Variants in TM7SF3 observed in about 807,000 individuals in gnomAD.
TM7SF3 encodes transmembrane 7 superfamily member 3, also known as seven span transmembrane protein.
Under a neutral mutation model 65.5 loss-of-function variants are expected in TM7SF3, and 60 were observed. The ratio of observed to expected loss-of-function variants is 0.92; its 90% CI spans 0.74 to 1.14. The LOEUF is 1.14. Among genes scored for constraint, TM7SF3 ranks in the 50% most tolerant of loss-of-function variants. The pLI, the probability that TM7SF3 is intolerant of heterozygous loss-of-function variation, is 0.00. For synonymous variants in TM7SF3, 264 were observed against 259.6 expected, an observed-to-expected ratio of 1.02 and a Z score of -0.16; for missense variants, 623 against 684.8, an observed-to-expected ratio of 0.91 and a Z score of 1.01.
chr12:26,994,021 C>A (rs1470286973), intron 5 of TM7SF3, among the ~76,000 whole-genome samples: 1 of 152,148 alleles, frequency 6.6e-6, no homozygotes, highest in African/African-American at 2.4e-5. Flanking sequence ...CTTTGACATA[C>A]CCTCATTAGT....
chr12:26,982,693 C>A lies in TM7SF3; in HGVS notation c.955+80G>T. On this transcript the variant is annotated intron_variant, in intron 7 of 11. Transcript: ENST00000343028. Reference sequence around the variant, plus strand: ...TGAAGATAGTAGAGATAAGTAAGTGCTTACTCTCCTCACAGGTCATTCCCC... The same window carrying A: ...TGAAGATAGTAGAGATAAGTAAGTGATTACTCTCCTCACAGGTCATTCCCC... 3 of 937,788 alleles carry A rather than the reference C, an allele frequency of 3.2e-6. No homozygotes were observed. In the East Asian group the frequency reaches 7.9e-5, roughly 25 times the overall value. The allele number at this position is 937,788 out of a possible 1,614,324, so 58.1% of individuals were successfully genotyped here.
rs777695148 is a variant in TM7SF3, at chr12:26,979,880, C to CA, written c.1092dup (p.Val365CysfsTer40). On this transcript the variant is annotated frameshift_variant, in exon 9 of 12. Transcript: ENST00000343028. LOFTEE classifies it high-confidence loss of function. ...GAGAGGATTCCAAATCGCCACCACA[C>CA]AGCTACCAAGAACATTCCACCGACG... The CA allele has an allele frequency of 1.2e-6, 2 of 1,614,202 alleles. No homozygotes were observed. Among genetic ancestry groups the CA allele is most frequent in the Admixed American group, 1.7e-5 (1 of 60,010 alleles).
chr12:27,003,112 A>T (rs1159664194), intron 2 of TM7SF3, 124 bp downstream of exon 2: 8 of 728,820 alleles, frequency 1.1e-5, no homozygotes, highest in Admixed American at 9.6e-5. Context: ...TTGATTTTTT[A>T]AAATTTAAGA....
At chr12:27,003,214 TA>T in intron 2 of TM7SF3, 21 bp downstream of exon 2, 1 of 1,557,184 alleles carries the variant, frequency 6.4e-7, no homozygotes. Flanking sequence ...TGATTTTTAC[TA>T]AAATAATTCT....
At chr12:27,001,244 A>C (rs1940820057) in intron 2 of TM7SF3, among the ~76,000 whole-genome samples, 1 of 152,160 alleles carries the variant, frequency 6.6e-6, no homozygotes, top group Non-Finnish European at 1.5e-5. Context: ...GTGGGAACTA[A>C]AGGCAGTCCA....
At chr12:27,002,797 C>T (rs1028491420) in intron 2 of TM7SF3, among the ~76,000 whole-genome samples, 5 of 152,000 alleles carry the variant, frequency 3.3e-5, no homozygotes, top group Admixed American at 6.6e-5. Flanking sequence ...TTGTTGTTTG[C>T]GTGACAGAGT....
chr12:27,009,957 C>G (rs1941184655), intron 1 of TM7SF3, among the ~76,000 whole-genome samples: 2 of 152,174 alleles, frequency 1.3e-5, no homozygotes, highest in African/African-American at 4.8e-5. Context: ...ATTGCTTTAA[C>G]CAAACCAGTT....
intron 8 of TM7SF3, 186 bp downstream of exon 8, chr12:26,980,380 G>C: frequency 1.7e-6 from 1 of 581,056 alleles, no homozygotes; most frequent in South Asian, 2.2e-5. Context: ...TCACCATACA[G>C]ATTAAAAACC....
At chr12:26,989,344 G>A (rs1391905382) in intron 6 of TM7SF3, among the ~76,000 whole-genome samples, 2 of 152,194 alleles carry the variant, frequency 1.3e-5, no homozygotes, top group African/African-American at 2.4e-5. Context: ...GGCTGAGGCA[G>A]GAGAATCACT....
Position 26,972,825 on chromosome 12 carries a change from A to G in TM7SF3, c.*1140T>C, listed in dbSNP as rs1939415042. Among the ~76,000 whole-genome samples, 1 of 152,118 alleles carries G rather than the reference A, an allele frequency of 6.6e-6. No individual in the cohort carries two copies. On this transcript the variant is annotated 3_prime_UTR_variant, in exon 12 of 12. Coordinates refer to ENST00000343028, the MANE Select transcript of TM7SF3 (RefSeq NM_016551.3). Reference sequence around the variant, plus strand: ...TATGTCATCTAATGCAGTTAAATTAAAGATCACCTGTTGACACTATTTGAA... The same window carrying G: ...TATGTCATCTAATGCAGTTAAATTAGAGATCACCTGTTGACACTATTTGAA...
chr12:26,983,960 T>C (rs1411206406), intron 6 of TM7SF3, among the ~76,000 whole-genome samples: 1 of 152,086 alleles, frequency 6.6e-6, no homozygotes, highest in South Asian at 2.1e-4. Context: ...TACAATCTCA[T>C]GCTAAAATAA....
At chr12:27,005,953 C>T (rs977569421) in intron 1 of TM7SF3, among the ~76,000 whole-genome samples, 1 of 150,604 alleles carries the variant, frequency 6.6e-6, no homozygotes, top group East Asian at 2.0e-4. Context: ...GCATGTGCCA[C>T]CACGCCTGGC....
rs1345872648 is a variant in TM7SF3, at chr12:26,973,929, C to G, written c.*36G>C. 1 of 1,605,018 alleles carries G rather than the reference C, an allele frequency of 6.2e-7. No individual in the cohort carries two copies. The highest frequency in any genetic ancestry group is 2.2e-5 in the East Asian group (1 of 44,838). On this transcript the variant is annotated 3_prime_UTR_variant, in exon 12 of 12. Transcript: ENST00000343028. ...TGTTGAACCACTCCAGGCATGAACTCCAAAGCTGAGGCACACTGACCAAGC... is the reference window on the plus strand; with the variant it reads ...TGTTGAACCACTCCAGGCATGAACTGCAAAGCTGAGGCACACTGACCAAGC...
At chr12:26,986,410 C>T (rs1249394568) in intron 6 of TM7SF3, among the ~76,000 whole-genome samples, 2 of 152,108 alleles carry the variant, frequency 1.3e-5, no homozygotes, top group East Asian at 3.9e-4. Flanking sequence ...ATTTTCCATC[C>T]ACTGACTCCC....
intron 7 of TM7SF3, among the ~76,000 whole-genome samples, chr12:26,981,510 T>TTA (rs1374432404): frequency 4.6e-5 from 7 of 151,892 alleles, no homozygotes; most frequent in Middle Eastern, 3.2e-3. Flanking sequence ...CTCCATCTCT[T>TTA]TAAAAAGAAA....
intron 1 of TM7SF3, among the ~76,000 whole-genome samples, chr12:27,006,720 T>C (rs1319723885): frequency 6.6e-6 from 1 of 152,206 alleles, no homozygotes; most frequent in Non-Finnish European, 1.5e-5. Context: ...GAAAAAGATA[T>C]AAATATGTTT....
At chr12:26,996,489 G>A (rs1024088968) in intron 4 of TM7SF3, among the ~76,000 whole-genome samples, 4 of 152,314 alleles carry the variant, frequency 2.6e-5, no homozygotes, top group African/African-American at 9.6e-5. Context: ...AAACCAGGAT[G>A]TATTTTCAAG....
At chr12:26,987,939 C>A (rs1940170518) in intron 6 of TM7SF3, among the ~76,000 whole-genome samples, 2 of 151,314 alleles carry the variant, frequency 1.3e-5, no homozygotes, top group African/African-American at 2.4e-5. Context: ...TGTATTCCTG[C>A]CAAAAAAGCA....
In TM7SF3 at chr12:27,014,251, G is replaced by A. The variant is rs1941358825; in HGVS notation, c.-83C>T. ...GCCGGGGCCCCGCAGCCTCGCCCAC[G>A]CTATCCCGGGGCGCCCGCATCGGGC... On this transcript the variant is annotated 5_prime_UTR_variant, in exon 1 of 12. Coordinates refer to ENST00000343028, the MANE Select transcript of TM7SF3 (RefSeq NM_016551.3). 2 of 1,348,706 alleles carry A rather than the reference G, an allele frequency of 1.5e-6. No individual in the cohort carries two copies. The allele number at this position is 1,348,706 out of a possible 1,614,324, so 83.5% of individuals were successfully genotyped here. A position where few individuals can be genotyped will look rare whatever the true frequency, so the allele number is the denominator to read the frequency against.
Sources: allele counts gnomAD v4.1 joint callset (sites outside exome capture counted in the v4.1 genomes callset), GRCh38; gene constraint gnomAD v4.1.1; transcripts MANE v1.5; gene names NCBI Gene and HGNC (gene_info 2026-07-23, HGNC 2026-07-21).